ADH7: variants seen among roughly 807,000 people sequenced by gnomAD.
ADH7 encodes alcohol dehydrogenase 7 (class IV), mu or sigma polypeptide.
A neutral mutation model predicts 34.4 loss-of-function variants in ADH7; 41 were observed. That is an observed-to-expected ratio of 1.19 (90% CI 0.93 to 1.55). The LOEUF is 1.55. Ranked by LOEUF, ADH7 falls within the 40% of genes most tolerant of loss-of-function variation. The probability of loss-of-function intolerance (pLI) is 0.00; values close to 1 mark genes in which losing one functional copy is unlikely to be tolerated. For missense variants in ADH7, 540 were observed against 461.2 expected (o/e 1.17, Z -1.56); for synonymous variants, 180 against 160.9 (o/e 1.12, Z -0.90).
Position 99,429,513 on chromosome 4 carries a change from C to T in ADH7, c.120+19G>A, listed in dbSNP as rs780910604. 9 of 1,587,950 alleles carry T rather than the reference C, an allele frequency of 5.7e-6. No individual in the cohort carries two copies. The highest frequency in any genetic ancestry group is 1.3e-5 in the African/African-American group (1 of 74,478). On this transcript the variant is annotated intron_variant, in intron 2 of 8. Transcript: ENST00000437033. ...TTTGATAACGCTTTTGGCTTAAGTT[C>T]TCTAGGGCTCACGCTTACCTTAATG...
In ADH7 at chr4:99,435,207, T is replaced by A. The variant is rs1191810016; in HGVS notation, c.18+9A>T. ...CATGATGAGGAGGGGACAGAAATGT[T>A]CCACTTACTTTTCCAGCAGTGCCCA... On this transcript the variant is annotated intron_variant, in intron 1 of 8. Coordinates refer to ENST00000437033, the MANE Select transcript of ADH7 (RefSeq NM_000673.7). 6.2e-7 allele frequency: 1 copy of A among 1,612,854 alleles called. No homozygotes were observed. The highest frequency in any genetic ancestry group is 1.7e-5 in the Admixed American group (1 of 59,812).
chr4:99,421,679 C>A (rs943426420), intron 5 of ADH7, among the ~76,000 whole-genome samples: 3 of 152,128 alleles, frequency 2.0e-5, no homozygotes, highest in African/African-American at 7.2e-5. Context: ...AGAGCTTCTG[C>A]ACAGCAAAAG....
In ADH7 at chr4:99,428,174, C is replaced by T. The variant is rs1389539872; in HGVS notation, c.260G>A (p.Gly87Asp). ...IGEGVTTVKPGDKVIPLFLPQ... is the reference protein window; with the variant it reads ...IGEGVTTVKPDDKVIPLFLPQ... ...CAGAAAGAGAGGGATGACTTTGTCA[C>T]CTACAGGAAAAAAATCATGATATAA... The change falls in exon 4 of 9, where the codon GGT becomes GAT. Residue 87 changes from glycine to aspartate, a missense_variant and splice_region_variant. Physicochemically the swap from Gly to Asp is moderately conservative, Grantham distance 94. Transcript: ENST00000437033. The T allele has an allele frequency of 6.2e-7, 1 of 1,612,666 alleles. No individual in the cohort carries two copies. Among genetic ancestry groups the T allele is most frequent in the Non-Finnish European group, 8.5e-7 (1 of 1,179,142 alleles).
chr4:99,414,967 G>T (rs1457891946), intron 8 of ADH7, among the ~76,000 whole-genome samples: 1 of 152,142 alleles, frequency 6.6e-6, no homozygotes, highest in Non-Finnish European at 1.5e-5. Flanking sequence ...GTTAGACTTT[G>T]TGTCCCCACC....
intron 6 of ADH7, 85 bp downstream of exon 6, chr4:99,420,448 T>A: frequency 7.2e-7 from 1 of 1,380,456 alleles, no homozygotes; most frequent in Non-Finnish European, 1.0e-6. Flanking sequence ...TTATTGACTA[T>A]TAATAAAGTT....
In ADH7 at chr4:99,415,583, A is replaced by T. The variant is rs772337019; in HGVS notation, c.995T>A (p.Val332Glu). Residue 332 changes from valine to glutamate, a missense_variant, in exon 8 of 9, where the codon GTG (valine) becomes GAG (glutamate). Transcript: ENST00000437033. The stretch of plus-strand genomic sequence containing the variant: ...AAATTTCTTTGCCAGGAACTCAGTC[A>T]CTAGTTTTGGGACATCATCTCTGCT... ...LKSRDDVPKL[V>E]TEFLAKKFDL... is the part of the protein sequence containing the mutation. 1 of 1,613,606 alleles carries T rather than the reference A, an allele frequency of 6.2e-7. No homozygotes were observed. Among genetic ancestry groups the T allele is most frequent in the East Asian group, 2.2e-5 (1 of 44,834 alleles).
At chr4:99,427,172 GA>G (rs1240071063) in intron 5 of ADH7, among the ~76,000 whole-genome samples, 1 of 152,078 alleles carries the variant, frequency 6.6e-6, no homozygotes, top group Non-Finnish European at 1.5e-5. Context: ...ACAGTTGATG[GA>G]AAAATGTATA....
intron 8 of ADH7, 83 bp downstream of exon 8, chr4:99,415,395 G>A: frequency 7.3e-7 from 1 of 1,367,086 alleles, no homozygotes; most frequent in Non-Finnish European, 1.0e-6. Flanking sequence ...AATAAAATAT[G>A]AAGAAAACAG....
At chr4:99,434,564 T>C (rs1722005370) in intron 1 of ADH7, among the ~76,000 whole-genome samples, 1 of 152,162 alleles carries the variant, frequency 6.6e-6, no homozygotes, top group East Asian at 1.9e-4. Context: ...TATACTGACC[T>C]ATTTTCAAAT....
At chr4:99,428,019 T>G in intron 4 of ADH7, 30 bp from the exon 5 acceptor site, 1 of 1,613,154 alleles carries the variant, frequency 6.2e-7, no homozygotes, top group Non-Finnish European at 8.5e-7. Flanking sequence ...CACGTATTAA[T>G]TAATTCAATT....
chr4:99,432,215 C>T (rs1410424107), intron 1 of ADH7, among the ~76,000 whole-genome samples: 1 of 152,074 alleles, frequency 6.6e-6, no homozygotes, highest in African/African-American at 2.4e-5. Flanking sequence ...AATGCAGAAA[C>T]AGAAAACTAA....
At chr4:99,432,291 A>G (rs746076166) in intron 1 of ADH7, among the ~76,000 whole-genome samples, 6 of 152,128 alleles carry the variant, frequency 3.9e-5, no homozygotes, top group Non-Finnish European at 8.8e-5. Context: ...AAAGAAAAGA[A>G]CAATGGACAC....
At chr4:99,416,717 G>A (rs912143276) in intron 7 of ADH7, among the ~76,000 whole-genome samples, 3 of 151,932 alleles carry the variant, frequency 2.0e-5, no homozygotes, top group African/African-American at 7.3e-5. Flanking sequence ...AAATACTTAG[G>A]TTTCTATACC....
intron 7 of ADH7, among the ~76,000 whole-genome samples, chr4:99,417,732 T>G (rs1322043491): frequency 6.6e-6 from 1 of 152,232 alleles, no homozygotes; most frequent in East Asian, 1.9e-4. Context: ...ATGGTACCTG[T>G]ACTCAGTATA....
In ADH7 at chr4:99,413,111, T is replaced by G; in HGVS notation, c.*37A>C. On this transcript the variant is annotated 3_prime_UTR_variant, in exon 9 of 9. Transcript: ENST00000437033. ...GAACTCTCACAAGAGAAACTCCAGTTCACCATGACAACACAGACCTCCTGC... is the reference window on the plus strand; with the variant it reads ...GAACTCTCACAAGAGAAACTCCAGTGCACCATGACAACACAGACCTCCTGC... 1 of 1,611,348 alleles carries G rather than the reference T, an allele frequency of 6.2e-7. No individual in the cohort carries two copies. Among genetic ancestry groups the G allele is most frequent in the Non-Finnish European group, 8.5e-7 (1 of 1,178,336 alleles).
At chr4:99,419,196 G>A (rs2110134135) in intron 6 of ADH7, 75 bp from the exon 7 acceptor site, 1 of 1,460,246 alleles carries the variant, frequency 6.8e-7, no homozygotes, top group South Asian at 1.4e-5. Flanking sequence ...AATGACCTAT[G>A]TACTATGACA....
intron 7 of ADH7, among the ~76,000 whole-genome samples, chr4:99,418,383 C>T (rs187547953): frequency 1.1e-4 from 17 of 152,160 alleles, no homozygotes; most frequent in Middle Eastern, 3.4e-3. Flanking sequence ...TCAAAGCACC[C>T]AGTACAACTC....
Position 99,428,494 on chromosome 4 carries a change from G to T in ADH7, c.257C>A (p.Pro86Gln), listed in dbSNP as rs1340004880. Reference protein sequence around the residue: ...SIGEGVTTVKPGDKVIPLFLP... With the variant: ...SIGEGVTTVKQGDKVIPLFLP... ...TGTGGTTTGACACCTGCATATACCT[G>T]GTTTCACTGTAGTCACTCCTTCTCC... The change falls in exon 3 of 9, where the codon CCA becomes CAA. Residue 86 changes from proline (P) to glutamine (Q), a missense_variant and splice_region_variant. Transcript: ENST00000437033. 1 of 1,611,390 alleles carries T rather than the reference G, an allele frequency of 6.2e-7. No individual in the cohort carries two copies. Among genetic ancestry groups the T allele is most frequent in the Non-Finnish European group, 8.5e-7 (1 of 1,179,346 alleles).
At chr4:99,415,015 C>T (rs1721484673) in intron 8 of ADH7, among the ~76,000 whole-genome samples, 1 of 152,128 alleles carries the variant, frequency 6.6e-6, no homozygotes, top group African/African-American at 2.4e-5. Flanking sequence ...ATAATCCCTA[C>T]ATGTCAAGGG....
Sources: allele counts gnomAD v4.1 joint callset (sites outside exome capture counted in the v4.1 genomes callset), GRCh38; gene constraint gnomAD v4.1.1; transcripts MANE v1.5; gene names NCBI Gene and HGNC (gene_info 2026-07-23, HGNC 2026-07-21).